The following CDH20 variants were observed in gnomAD, a reference collection of about 807,000 sequenced individuals.
The protein encoded by CDH20 is cadherin 20, also known as cadherin-20.
A neutral mutation model predicts 74.2 loss-of-function variants in CDH20; 29 were observed. The ratio of observed to expected loss-of-function variants is 0.39; its 90% CI spans 0.29 to 0.53. The LOEUF (loss-of-function observed/expected upper bound fraction) is 0.53. CDH20 is among the 20% of genes least tolerant of loss of function. CDH20 has a pLI of 0.69. For missense variants in CDH20, 988 were observed against 1,048.3 expected (o/e 0.94, Z 0.79); for synonymous variants, 469 against 405.4 (o/e 1.16, Z -1.88).
At chr18:61,428,905 A>G (rs115187209) in intron 1 of CDH20, among the ~76,000 whole-genome samples, 1,585 of 152,338 alleles carry the variant, frequency 0.01, 30 homozygotes, top group African/African-American at 0.035. Context: ...ACACCTATTC[A>G]AGAATATGCC....
chr18:61,428,516 G>T (rs1913149440), intron 1 of CDH20, among the ~76,000 whole-genome samples: 1 of 152,128 alleles, frequency 6.6e-6, no homozygotes. Context: ...GATAATGAGG[G>T]TCTTGCTGTT....
chr18:61,511,075 C>A (rs1335087240), intron 6 of CDH20, among the ~76,000 whole-genome samples: 1 of 109,310 alleles, frequency 9.1e-6, no homozygotes, highest in Non-Finnish European at 1.7e-5. Context: ...CAGCCTTGAC[C>A]TCTTGGGCTC....
At chr18:61,500,081 C>T (rs896133333) in intron 3 of CDH20, among the ~76,000 whole-genome samples, 13 of 119,810 alleles carry the variant, frequency 1.1e-4, no homozygotes, top group African/African-American at 3.3e-4. Context: ...TCCAGCCTGG[C>T]GACAGAGTGA....
At chr18:61,483,583 T>C (rs1910662028) in intron 1 of CDH20, among the ~76,000 whole-genome samples, 1 of 152,246 alleles carries the variant, frequency 6.6e-6, no homozygotes, top group Non-Finnish European at 1.5e-5. Context: ...AATAATGGTA[T>C]GTATACCTAT....
intron 1 of CDH20, among the ~76,000 whole-genome samples, chr18:61,488,628 G>A (rs965882850): frequency 6.6e-6 from 1 of 152,308 alleles, no homozygotes; most frequent in South Asian, 2.1e-4. Context: ...AATGCACTTT[G>A]AGGAATTATA....
chr18:61,508,577 G>A (rs1255332819), intron 6 of CDH20, among the ~76,000 whole-genome samples: 1 of 152,108 alleles, frequency 6.6e-6, no homozygotes, highest in Non-Finnish European at 1.5e-5. Context: ...GCCATAAAAA[G>A]GAATGGACTA....
At chr18:61,533,717 T>C (rs901016400) in intron 7 of CDH20, among the ~76,000 whole-genome samples, 7 of 152,222 alleles carry the variant, frequency 4.6e-5, no homozygotes, top group African/African-American at 1.7e-4. Flanking sequence ...GTGGAGCTTT[T>C]CCCCTAAGGT....
chr18:61,393,681 T>C (rs936249121), intron 1 of CDH20, among the ~76,000 whole-genome samples: 7 of 152,230 alleles, frequency 4.6e-5, no homozygotes, highest in African/African-American at 1.7e-4. Flanking sequence ...TCAGTCACTG[T>C]CATAGAAATG....
intron 1 of CDH20, among the ~76,000 whole-genome samples, chr18:61,347,436 C>A (rs1910164285): frequency 6.7e-6 from 1 of 150,140 alleles, no homozygotes; most frequent in Non-Finnish European, 1.5e-5. Context: ...ATGAGAATCA[C>A]TTGAACTTGG....
intron 1 of CDH20, among the ~76,000 whole-genome samples, chr18:61,455,746 G>T (rs1288958765): frequency 1.3e-5 from 2 of 152,094 alleles, no homozygotes; most frequent in Admixed American, 1.3e-4. Context: ...AAAATTATTT[G>T]CCAGATGTGG....
intron 1 of CDH20, among the ~76,000 whole-genome samples, chr18:61,375,521 G>A (rs761795366): frequency 5.3e-5 from 8 of 152,018 alleles, no homozygotes; most frequent in South Asian, 2.1e-4. Flanking sequence ...CCCTCCCTTC[G>A]TCCATCTCAC....
chr18:61,438,510 A>T (rs1327182821), intron 1 of CDH20, among the ~76,000 whole-genome samples: 1 of 152,094 alleles, frequency 6.6e-6, no homozygotes, highest in East Asian at 1.9e-4. Context: ...CAGTACTTAC[A>T]TTTTTTTCAA....
At chr18:61,374,570 A>G (rs554550432) in intron 1 of CDH20, among the ~76,000 whole-genome samples, 1 of 152,294 alleles carries the variant, frequency 6.6e-6, no homozygotes, top group Non-Finnish European at 1.5e-5. Flanking sequence ...CATTAGGATG[A>G]GATCGACTAG....
chr18:61,501,996 T>A (rs1911400496), intron 4 of CDH20, among the ~76,000 whole-genome samples: 1 of 152,148 alleles, frequency 6.6e-6, no homozygotes, highest in South Asian at 2.1e-4. Context: ...CTGGAGAATG[T>A]TATACTACAA....
intron 7 of CDH20, among the ~76,000 whole-genome samples, chr18:61,533,094 A>G (rs949400022): frequency 6.6e-6 from 1 of 152,198 alleles, no homozygotes; most frequent in Non-Finnish European, 1.5e-5. Flanking sequence ...GTTTGAGGCC[A>G]GCCTGGGCAA....
At chr18:61,537,568 T>C (rs2144389109) in intron 8 of CDH20, among the ~76,000 whole-genome samples, 1 of 152,330 alleles carries the variant, frequency 6.6e-6, no homozygotes, top group South Asian at 2.1e-4. Context: ...AATTCAATCT[T>C]TCTATTTTGC....
At chr18:61,360,767 C>T (rs1464914692) in intron 1 of CDH20, among the ~76,000 whole-genome samples, 1 of 152,216 alleles carries the variant, frequency 6.6e-6, no homozygotes, top group Non-Finnish European at 1.5e-5. Flanking sequence ...GGCAAAAGGA[C>T]CCAACACATT....
chr18:61,549,809 T>G (rs962406694), intron 10 of CDH20, 169 bp from the exon 11 acceptor site: 29 of 664,348 alleles, frequency 4.4e-5, no homozygotes, highest in Non-Finnish European at 5.8e-5. Context: ...AAGCATGGTT[T>G]CTGAATCCAA....
chr18:61,505,988 G>A (rs1394731342), intron 5 of CDH20, among the ~76,000 whole-genome samples: 1 of 152,046 alleles, frequency 6.6e-6, no homozygotes, highest in African/African-American at 2.4e-5. Context: ...ATTCCATTTT[G>A]CTTCTTTTTC....
Sources: allele counts gnomAD v4.1 joint callset (sites outside exome capture counted in the v4.1 genomes callset), GRCh38; gene constraint gnomAD v4.1.1; transcripts MANE v1.5; gene names NCBI Gene and HGNC (gene_info 2026-07-23, HGNC 2026-07-21).